The following GSG1L2 variants were observed in gnomAD, a reference collection of about 807,000 sequenced individuals.
GSG1L2 encodes germ cell-specific gene 1-like protein 2.
GSG1L2 carries 15 observed loss-of-function variants against 9.0 expected under a neutral mutation model. The observed-to-expected ratio is 1.67, with a 90% CI of 1.12 to 2.57. The LOEUF is 2.57. Ranked by LOEUF, GSG1L2 falls within the 30% of genes most tolerant of loss-of-function variation. The pLI is 0.00. For synonymous variants in GSG1L2, 127 were observed against 57.9 expected, an observed-to-expected ratio of 2.19 and a Z score of -5.41; for missense variants, 286 against 150.3, an observed-to-expected ratio of 1.90 and a Z score of -4.72.
chr17:9,817,484 G>T (rs1229922433), intron 1 of GSG1L2, among the ~76,000 whole-genome samples: 1 of 150,294 alleles, frequency 6.7e-6, no homozygotes, highest in Non-Finnish European at 1.5e-5. Flanking sequence ...GAGTACAGTG[G>T]TGCGATCTTG....
chr17:9,812,381 T>G (rs2066542687), intron 1 of GSG1L2, among the ~76,000 whole-genome samples: 1 of 152,178 alleles, frequency 6.6e-6, no homozygotes, highest in African/African-American at 2.4e-5. Flanking sequence ...TTAGCTTTTA[T>G]GTCCTCTCTC....
At chr17:9,818,889 C>T (rs545635024) in intron 1 of GSG1L2, among the ~76,000 whole-genome samples, 1 of 152,226 alleles carries the variant, frequency 6.6e-6, no homozygotes, top group South Asian at 2.1e-4. Flanking sequence ...TTCGTTTGTA[C>T]CTTAGGTGGG....
rs751121792 is a variant in GSG1L2, at chr17:9,821,972, C to A, written c.100G>T (p.Gly34Trp). 3.7e-5 allele frequency: 26 copies of A among 703,110 alleles called. 4 individuals are homozygous for A. Among genetic ancestry groups the A allele is most frequent in the South Asian group, 3.5e-4 (24 of 67,606 alleles). The allele number at this position is 703,110 out of a possible 1,614,324, so 43.6% of individuals were successfully genotyped here. A position where few individuals can be genotyped will look rare whatever the true frequency, so the allele number is the denominator to read the frequency against. Residue 34 changes from glycine (G) to tryptophan (W), a missense_variant, in exon 1 of 5, where the codon GGG becomes TGG. Coordinates refer to ENST00000399363, the MANE Select transcript of GSG1L2 (RefSeq NM_001310219.2). ...TAVVSSHWCE[G>W]TRRVVKPLCQ... ...AGTGGCTTCACCACCCGTCGGGTCCCCTCACACCAGTGGCTGCTGACCACG... is the reference window on the plus strand; with the variant it reads ...AGTGGCTTCACCACCCGTCGGGTCCACTCACACCAGTGGCTGCTGACCACG...
chr17:9,811,808 C>T lies in GSG1L2; in HGVS notation c.311-1190G>A, dbSNP rs144622503. On this transcript the variant is annotated intron_variant, in intron 1 of 4. Transcript: ENST00000399363. ...TCAGGGCTGCAGAGCCCGGGCCCAG[C>T]GCTGTCCCGCTACATCACTGACTTA... Among the ~76,000 whole-genome samples the T allele has an allele frequency of 3.3e-4, 50 of 152,278 alleles. No homozygotes were observed. The East Asian group carries it at 9.1e-3, about 28-fold the overall frequency.
rs10711046 is a variant in GSG1L2, at chr17:9,820,661, CTT to C, written c.310+1099_310+1100del. Among the ~76,000 whole-genome samples, 2,933 of 142,726 alleles carry C rather than the reference CTT, an allele frequency of 0.021. 86 individuals carry two copies. Among genetic ancestry groups the C allele is most frequent in the African/African-American group, 0.065 (2,490 of 38,438 alleles). The allele number at this position is 142,726 out of a possible 152,430, so 93.6% of individuals were successfully genotyped here. A position where few individuals can be genotyped will look rare whatever the true frequency, so the allele number is the denominator to read the frequency against. On this transcript the variant is annotated intron_variant, in intron 1 of 4. Transcript: ENST00000399363. This position sits in a 1 kb window ranked among gnomAD's most constrained non-coding sequence, Gnocchi z 4.9. ...GGACATACAGCACCTCTGAGTGTTC[CTT>C]TTTTTTTTTTTTTAATTTGAGACAG...
chr17:9,802,425 G>A lies in GSG1L2; in HGVS notation c.843C>T (p.His281=), dbSNP rs941189908. ...CCTTGCCTGGGGCGCCTGGTGGGAG[G>A]TGTCCAGAAACATTCCTGAAGGCTT... ...AEQAFRNVSG[H]LPPGAPGKVS... The change falls in exon 5 of 5, where the codon CAC becomes CAT. Residue 281 remains histidine, a synonymous_variant. Coordinates refer to ENST00000399363, the MANE Select transcript of GSG1L2 (RefSeq NM_001310219.2). The A allele has an allele frequency of 4.0e-5, 28 of 691,742 alleles. No individual in the cohort carries two copies. Among genetic ancestry groups the A allele is most frequent in the African/African-American group, 3.7e-4 (21 of 56,968 alleles). 42.9% of individuals were successfully genotyped at this position (691,742 alleles called of 1,614,324 possible).
rs2066587286 is a variant in GSG1L2, at chr17:9,820,991, C to G, written c.310+771G>C. Among the ~76,000 whole-genome samples the G allele has an allele frequency of 6.6e-6, 1 of 152,056 alleles. No individual in the cohort carries two copies. Among genetic ancestry groups the G allele is most frequent in the South Asian group, 2.1e-4 (1 of 4,822 alleles). On this transcript the variant is annotated intron_variant, in intron 1 of 4. Transcript: ENST00000399363. The surrounding 1 kb of genome is among the most constrained non-coding windows in gnomAD (Gnocchi z 4.9). Reference sequence around the variant, plus strand: ...GGGGCTTCATTCTTGTTGCCTTTTACTTAGGCCTCAGGAACAAAAATCAAA... The same window carrying G: ...GGGGCTTCATTCTTGTTGCCTTTTAGTTAGGCCTCAGGAACAAAAATCAAA...
chr17:9,808,900 C>G lies in GSG1L2; in HGVS notation c.441G>C (p.Val147=), dbSNP rs2152022827. ...AGTGGAACCCAGGGCTGCGACAACTCACTCTGGAGCCCAGGAGGATGGCGC... is the reference window on the plus strand; with the variant it reads ...AGTGGAACCCAGGGCTGCGACAACTGACTCTGGAGCCCAGGAGGATGGCGC... ...LTSAILLGSR[V]SCRSPGFHWL... Residue 147 remains valine, a synonymous_variant, in exon 3 of 5, where the codon GTG becomes GTC. Transcript: ENST00000399363. The G allele has an allele frequency of 1.4e-6, 1 of 703,018 alleles. No individual in the cohort carries two copies. The highest frequency in any genetic ancestry group is 2.7e-5 in the East Asian group (1 of 37,288). The allele number at this position is 703,018 out of a possible 1,614,324, so 43.5% of individuals were successfully genotyped here. A position where few individuals can be genotyped will look rare whatever the true frequency, so the allele number is the denominator to read the frequency against.
chr17:9,816,761 G>GTGTGTA (rs2066566472), intron 1 of GSG1L2, among the ~76,000 whole-genome samples: 3 of 104,996 alleles, frequency 2.9e-5, no homozygotes, highest in African/African-American at 1.1e-4. Context: ...GTGTATCTGT[G>GTGTGTA]TCTGTGTGTG....
chr17:9,809,218 G>T, intron 2 of GSG1L2: 1 of 496,240 alleles, frequency 2.0e-6, no homozygotes, highest in Non-Finnish European at 3.7e-6. Context: ...TGGGGGCGGG[G>T]AAACTAAGCA....
chr17:9,804,847 T>C (rs561702729), intron 4 of GSG1L2: 2 of 152,088 alleles, frequency 1.3e-5, no homozygotes, highest in South Asian at 4.2e-4. Flanking sequence ...AGGAAAGAGA[T>C]AACACAAGGA....
Position 9,802,573 on chromosome 17 carries a change from C to T in GSG1L2, c.695G>A (p.Arg232His), listed in dbSNP as rs530411013. ...VSAMSRFTAARLEFTEKQQAQ... is the reference protein window; with the variant it reads ...VSAMSRFTAAHLEFTEKQQAQ... ...CTGCTGCTTCTCGGTGAATTCCAGGCGGGCTGCCGTGAACCTGCTCATGGC... is the reference window on the plus strand; with the variant it reads ...CTGCTGCTTCTCGGTGAATTCCAGGTGGGCTGCCGTGAACCTGCTCATGGC... Residue 232 changes from arginine (R) to histidine (H), a missense_variant, in exon 5 of 5, where the codon CGC (arginine) becomes CAC (histidine). Coordinates refer to ENST00000399363, the MANE Select transcript of GSG1L2 (RefSeq NM_001310219.2). 1.3e-4 allele frequency: 89 copies of T among 702,742 alleles called. No homozygotes were observed. Among genetic ancestry groups the T allele is most frequent in the African/African-American group, 1.3e-3 (72 of 57,270 alleles). The allele number at this position is 702,742 out of a possible 1,614,324, so 43.5% of individuals were successfully genotyped here.
At chr17:9,816,640 CGTGTCTGTGTGT>C (rs1567711363) in intron 1 of GSG1L2, among the ~76,000 whole-genome samples, 3 of 100,044 alleles carry the variant, frequency 3.0e-5, no homozygotes, top group East Asian at 3.5e-4. Flanking sequence ...TGTCTGTGTG[CGTGTCTGTGTGT>C]GTCTGTGTGT....
intron 1 of GSG1L2, 60 bp downstream of exon 1, chr17:9,821,702 C>T: frequency 4.4e-6 from 3 of 680,562 alleles, no homozygotes; most frequent in South Asian, 3.1e-5. Flanking sequence ...GACAGCCTGG[C>T]TCCAGAGCCC....
At chr17:9,808,674 G>A (rs1354137955) in intron 3 of GSG1L2, 156 bp downstream of exon 3, 2 of 567,810 alleles carry the variant, frequency 3.5e-6, no homozygotes, top group Non-Finnish European at 6.3e-6. Flanking sequence ...TCCAGCCAAT[G>A]GAATTCATTG....
intron 1 of GSG1L2, among the ~76,000 whole-genome samples, chr17:9,811,849 G>T (rs2066540067): frequency 6.6e-6 from 1 of 152,198 alleles, no homozygotes; most frequent in Admixed American, 6.5e-5. Context: ...ATCAAGGAAA[G>T]GTGCCGGGGG....
At chr17:9,809,232 C>A (rs2066528906) in intron 2 of GSG1L2, 2 of 478,900 alleles carry the variant, frequency 4.2e-6, no homozygotes, top group Non-Finnish European at 7.6e-6. Context: ...CTAAGCAAAA[C>A]CCTGCTGTGA....
At chr17:9,816,918 G>GTGTATCTGTGTGTGTGTATC (rs1567711597) in intron 1 of GSG1L2, among the ~76,000 whole-genome samples, 1 of 45,726 alleles carries the variant, frequency 2.2e-5, no homozygotes, top group African/African-American at 1.0e-4. Context: ...ATCTGTGTGT[G>GTGTATCTGTGTGTGTGTATC]TGTGTGTGTG....
chr17:9,802,923 A>G (rs2066502775), intron 4 of GSG1L2, among the ~76,000 whole-genome samples: 1 of 152,048 alleles, frequency 6.6e-6, no homozygotes, highest in South Asian at 2.1e-4. Context: ...TCTTTGAATC[A>G]GTTCCCTCAT....
Sources: allele counts gnomAD v4.1 joint callset (sites outside exome capture counted in the v4.1 genomes callset), GRCh38; gene constraint gnomAD v4.1.1; non-coding constraint Gnocchi (gnomAD v3.1); transcripts MANE v1.5; gene names NCBI Gene and HGNC (gene_info 2026-07-23, HGNC 2026-07-21).